Variants in STXBP5L observed in about 807,000 individuals in gnomAD.
STXBP5L encodes syntaxin binding protein 5L.
Under a neutral mutation model 144.5 loss-of-function variants are expected in STXBP5L, and 65 were observed. That is an observed-to-expected ratio of 0.45 (90% CI 0.37 to 0.55). The LOEUF (loss-of-function observed/expected upper bound fraction) is 0.55, where lower values mean the gene tolerates loss of function less well. STXBP5L is among the 20% of genes least tolerant of loss of function. The pLI is 0.00. For synonymous variants in STXBP5L, 505 were observed against 469.6 expected (o/e 1.08, Z -0.97); for missense variants, 1,298 against 1,405.5 (o/e 0.92, Z 1.22).
At chr3:121,108,959 G>A (rs1559756122) in intron 5 of STXBP5L, among the ~76,000 whole-genome samples, 1 of 152,036 alleles carries the variant, frequency 6.6e-6, no homozygotes, top group Non-Finnish European at 1.5e-5. Flanking sequence ...TATGTGTTCA[G>A]GAATTTATCC....
intron 5 of STXBP5L, among the ~76,000 whole-genome samples, chr3:121,109,771 A>T (rs2043891370): frequency 6.6e-6 from 1 of 152,144 alleles, no homozygotes; most frequent in African/African-American, 2.4e-5. Flanking sequence ...GAAGATTCTT[A>T]TCAACTTTCT....
chr3:121,112,077 G>T (rs777020558), intron 5 of STXBP5L, among the ~76,000 whole-genome samples: 7 of 151,984 alleles, frequency 4.6e-5, no homozygotes, highest in Non-Finnish European at 5.9e-5. Flanking sequence ...AGTCTCCCTC[G>T]CACCAGCAGG....
Position 121,072,392 on chromosome 3 carries a change from C to T in STXBP5L, c.470+26857C>T, listed in dbSNP as rs1419896627. ...GCACAAGCCAAGCATTGCTCACAAA[C>T]GGCTTGAGTGATGGCAGTTGGGAGC... On this transcript the variant is annotated intron_variant, in intron 5 of 26. Coordinates refer to ENST00000471454, the MANE Select transcript of STXBP5L (RefSeq NM_001308330.2). Among the ~76,000 whole-genome samples, 7 of 152,220 alleles carry T rather than the reference C, an allele frequency of 4.6e-5. No homozygotes were observed. The South Asian group carries it at 6.2e-4, about 13-fold the overall frequency.
intron 3 of STXBP5L, among the ~76,000 whole-genome samples, chr3:120,994,175 G>A (rs887685040): frequency 6.6e-6 from 1 of 151,934 alleles, no homozygotes; most frequent in South Asian, 2.1e-4. Flanking sequence ...TTGTTTATTA[G>A]TTCTAAGAAT....
intron 9 of STXBP5L, among the ~76,000 whole-genome samples, chr3:121,195,318 CT>C (rs1339081073): frequency 6.6e-6 from 1 of 151,972 alleles, no homozygotes; most frequent in Non-Finnish European, 1.5e-5. Context: ...AAAGAAGCTG[CT>C]TTTTTCCAGC....
intron 5 of STXBP5L, among the ~76,000 whole-genome samples, chr3:121,053,267 A>G (rs1315712797): frequency 6.6e-6 from 1 of 152,184 alleles, no homozygotes; most frequent in Non-Finnish European, 1.5e-5. Flanking sequence ...GGAGCCAAAA[A>G]AATCCCCCAT....
intron 3 of STXBP5L, among the ~76,000 whole-genome samples, chr3:121,018,694 G>A (rs1945319343): frequency 6.6e-6 from 1 of 152,132 alleles, no homozygotes; most frequent in Non-Finnish European, 1.5e-5. Context: ...AGGTACAATA[G>A]TAAGAAAAGA....
chr3:121,333,838 A>T (rs1473639592), intron 20 of STXBP5L, among the ~76,000 whole-genome samples: 1 of 152,078 alleles, frequency 6.6e-6, no homozygotes, highest in Non-Finnish European at 1.5e-5. Flanking sequence ...AAATTGATTC[A>T]CTCAACAGAC....
intron 5 of STXBP5L, among the ~76,000 whole-genome samples, chr3:121,079,329 C>A (rs2042157723): frequency 6.6e-6 from 1 of 152,250 alleles, no homozygotes; most frequent in East Asian, 1.9e-4. Flanking sequence ...ACATGTCTTG[C>A]AACCTAAACT....
intron 6 of STXBP5L, among the ~76,000 whole-genome samples, chr3:121,119,601 AT>A (rs549690561): frequency 2.6e-5 from 4 of 150,990 alleles, no homozygotes; most frequent in South Asian, 2.1e-4. Context: ...TATCTAAAGA[AT>A]TTTTTTTGTA....
Position 121,178,984 on chromosome 3 carries a change from A to T in STXBP5L, c.877+21357A>T, listed in dbSNP as rs577075912. Among the ~76,000 whole-genome samples, 18 of 152,232 alleles carry T rather than the reference A, an allele frequency of 1.2e-4. No homozygotes were observed. In the East Asian group the frequency reaches 3.5e-3, roughly 29 times the overall value. On this transcript the variant is annotated intron_variant, in intron 9 of 26. Transcript: ENST00000471454. Reference sequence around the variant, plus strand: ...CTGTGGCACAAATGGGAACTGTGGCAGATACGAGCACAGGTGTGGGCACTT... The same window carrying T: ...CTGTGGCACAAATGGGAACTGTGGCTGATACGAGCACAGGTGTGGGCACTT...
At position 121,346,669 on chromosome 3, in the gene STXBP5L, T is replaced by C. The variant is rs889055562; in HGVS notation, c.2176+28129T>C. 3.9e-5 allele frequency among the ~76,000 whole-genome samples: 6 copies of C among 152,322 alleles called. No homozygotes were observed. The South Asian group carries it at 1.0e-3, about 26-fold the overall frequency. On this transcript the variant is annotated intron_variant, in intron 20 of 26. Coordinates refer to ENST00000471454, the MANE Select transcript of STXBP5L (RefSeq NM_001308330.2). ...CTAACTGGTGTGAGATGGTATCTCA[T>C]TGTGGTTTTGATTTGCATTGCTCTG...
At chr3:121,176,839 A>G (rs1228470250) in intron 9 of STXBP5L, among the ~76,000 whole-genome samples, 1 of 151,990 alleles carries the variant, frequency 6.6e-6, no homozygotes, top group Non-Finnish European at 1.5e-5. Flanking sequence ...AGTAATAAAT[A>G]TAGAAGATCA....
chr3:121,114,536 A>G (rs1437573503), intron 5 of STXBP5L, among the ~76,000 whole-genome samples: 2 of 152,178 alleles, frequency 1.3e-5, no homozygotes, highest in Non-Finnish European at 2.9e-5. Context: ...TAGCTTAGTG[A>G]AAGATGTTAA....
chr3:121,136,817 T>C (rs1277543664), intron 7 of STXBP5L, among the ~76,000 whole-genome samples: 3 of 152,176 alleles, frequency 2.0e-5, no homozygotes, highest in African/African-American at 7.2e-5. Context: ...AGCAGAGACA[T>C]GGAATCAACC....
intron 5 of STXBP5L, among the ~76,000 whole-genome samples, chr3:121,111,601 C>T (rs372226609): frequency 3.3e-5 from 5 of 152,194 alleles, no homozygotes; most frequent in African/African-American, 7.2e-5. Context: ...GCTACTTTCT[C>T]TGGGAGCTCC....
intron 8 of STXBP5L, 134 bp from the exon 9 acceptor site, chr3:121,157,370 G>C: frequency 3.2e-6 from 3 of 929,664 alleles, no homozygotes; most frequent in Non-Finnish European, 1.5e-6. Context: ...TCTGATATGG[G>C]TCAGAAAAAT....
At chr3:121,257,639 T>G (rs1285315791) in intron 17 of STXBP5L, among the ~76,000 whole-genome samples, 6 of 152,170 alleles carry the variant, frequency 3.9e-5, no homozygotes, top group African/African-American at 1.4e-4. Flanking sequence ...TGAAAAAGTA[T>G]GTTTATGGGG....
chr3:121,304,470 TA>T (rs1457915133), intron 19 of STXBP5L, among the ~76,000 whole-genome samples: 1 of 152,130 alleles, frequency 6.6e-6, no homozygotes, highest in African/African-American at 2.4e-5. Flanking sequence ...GACTGGGCGA[TA>T]AAACAAGTTA....
Sources: allele counts gnomAD v4.1 joint callset (sites outside exome capture counted in the v4.1 genomes callset), GRCh38; gene constraint gnomAD v4.1.1; transcripts MANE v1.5; gene names NCBI Gene and HGNC (gene_info 2026-07-23, HGNC 2026-07-21).